Variants in DMD observed in about 807,000 individuals in gnomAD.
DMD encodes the protein mutant dystrophin.
Under a neutral mutation model 330.1 loss-of-function variants are expected in DMD, and 63 were observed. That is an observed-to-expected ratio of 0.19 (90% CI 0.16 to 0.24). DMD has a LOEUF of 0.24. Among genes scored for constraint, DMD ranks in the 10% least tolerant of loss-of-function variants. The probability of loss-of-function intolerance (pLI) is 1.00; values close to 1 mark genes in which losing one functional copy is unlikely to be tolerated. For missense variants in DMD, 3,344 were observed against 2,684.1 expected (o/e 1.25, Z -5.43); for synonymous variants, 1,223 against 959.8 (o/e 1.27, Z -5.07).
rs747764930 is a variant in DMD, at chrX:32,917,923, G to A, written c.94-68103C>T. On this transcript the variant is annotated intron_variant, in intron 2 of 78. Transcript: ENST00000357033. Reference sequence around the variant, plus strand: ...TTTCTGAATGACTCTGAAAAATGAAGCTGCTCTGCAGGTATCATCACTAGA... The same window carrying A: ...TTTCTGAATGACTCTGAAAAATGAAACTGCTCTGCAGGTATCATCACTAGA... Among the ~76,000 whole-genome samples the A allele has an allele frequency of 3.7e-5, 4 of 108,474 alleles. No homozygotes were observed. The East Asian group carries it at 8.8e-4, about 24-fold the overall frequency. 94.2% of individuals were successfully genotyped at this position (108,474 alleles called of 115,157 possible).
At chrX:32,946,277 T>C (rs2090799637) in intron 2 of DMD, among the ~76,000 whole-genome samples, 1 of 111,400 alleles carries the variant, frequency 9.0e-6, no homozygotes, top group Non-Finnish European at 1.9e-5. Flanking sequence ...TTTTCCTTAT[T>C]CATTAATTTT....
chrX:31,257,739 G>A (rs774738838), intron 63 of DMD, among the ~76,000 whole-genome samples: 1 of 112,061 alleles, frequency 8.9e-6, no homozygotes, highest in Non-Finnish European at 1.9e-5. Context: ...GAGGTCAGGA[G>A]TTCGAGACCA....
intron 48 of DMD, among the ~76,000 whole-genome samples, chrX:31,871,006 G>A (rs1432747492): frequency 1.8e-5 from 2 of 111,836 alleles, no homozygotes; most frequent in Non-Finnish European, 3.8e-5. Context: ...ATTCATTAAA[G>A]GTTAAAAACA....
intron 43 of DMD, among the ~76,000 whole-genome samples, chrX:32,272,239 G>A: frequency 8.9e-6 from 1 of 111,914 alleles, no homozygotes; most frequent in Middle Eastern, 4.6e-3. Flanking sequence ...GAACAGAGAA[G>A]GATTCCAAGA....
At chrX:31,278,113 A>G (rs2052319701) in intron 62 of DMD, among the ~76,000 whole-genome samples, 1 of 111,525 alleles carries the variant, frequency 9.0e-6, no homozygotes, top group Non-Finnish European at 1.9e-5. Flanking sequence ...ATAGACAGAA[A>G]AAGATTTACA....
In DMD at chrX:31,156,186, C is replaced by T. The variant is rs773502999; in HGVS notation, c.10554-8668G>A. 4.7e-4 allele frequency among the ~76,000 whole-genome samples: 52 copies of T among 111,493 alleles called. No individual in the cohort carries two copies. The Middle Eastern group carries it at 0.014, about 30-fold the overall frequency. On this transcript the variant is annotated intron_variant, in intron 74 of 78. Transcript: ENST00000357033. ...AAAAATGGCAGGACCCCTCCAGGCT[C>T]TTGTTTCTAATCATTTCTTAGCACT... is the stretch of plus-strand genomic sequence containing the variant.
At chrX:33,320,231 T>C (rs1484029002) in intron 1 of DMD, among the ~76,000 whole-genome samples, 1 of 111,673 alleles carries the variant, frequency 9.0e-6, no homozygotes, top group East Asian at 2.8e-4. Flanking sequence ...GTACAATACG[T>C]TTAGTACAAT....
intron 1 of DMD, among the ~76,000 whole-genome samples, chrX:33,115,484 G>C (rs1012479449): frequency 1.8e-5 from 2 of 109,854 alleles, no homozygotes; most frequent in African/African-American, 6.6e-5. Context: ...TGATAAATAT[G>C]ATAAATATAT....
At chrX:31,852,049 G>C (rs1029966647) in intron 48 of DMD, among the ~76,000 whole-genome samples, 4 of 111,042 alleles carry the variant, frequency 3.6e-5, no homozygotes, top group African/African-American at 1.3e-4. Context: ...TGAGCAAGGG[G>C]AGAGTAGTAG....
At chrX:31,656,772 T>C (rs773631429) in intron 54 of DMD, among the ~76,000 whole-genome samples, 2 of 111,895 alleles carry the variant, frequency 1.8e-5, no homozygotes, top group African/African-American at 6.5e-5. Context: ...AGCTCCATAT[T>C]CAAGTTTGCC....
chrX:32,386,842 A>T (rs2097961706), intron 32 of DMD, among the ~76,000 whole-genome samples: 1 of 110,262 alleles, frequency 9.1e-6, no homozygotes, highest in Non-Finnish European at 1.9e-5. Context: ...ATTTGGATGA[A>T]TTAATTCACT....
intron 30 of DMD, among the ~76,000 whole-genome samples, chrX:32,397,148 T>C (rs970988233): frequency 9.0e-6 from 1 of 111,371 alleles, no homozygotes; most frequent in Non-Finnish European, 1.9e-5. Context: ...TGAAGGAAAA[T>C]GATCTCTCTA....
At chrX:31,675,115 T>C (rs2082004025) in intron 53 of DMD, among the ~76,000 whole-genome samples, 1 of 112,401 alleles carries the variant, frequency 8.9e-6, no homozygotes, top group South Asian at 3.7e-4. Context: ...TAACTTCATG[T>C]TTTTGTTTTA....
At chrX:32,276,812 T>TG (rs2097390691) in intron 43 of DMD, among the ~76,000 whole-genome samples, 1 of 110,244 alleles carries the variant, frequency 9.1e-6, no homozygotes, top group African/African-American at 3.3e-5. Context: ...CTCAGCCTCT[T>TG]GGGGGGCTAA....
chrX:31,717,550 T>G (rs2085154393), intron 52 of DMD, among the ~76,000 whole-genome samples: 1 of 112,015 alleles, frequency 8.9e-6, no homozygotes, highest in Non-Finnish European at 1.9e-5. Context: ...TCTTAGTGGC[T>G]CCTACAAGGG....
At position 31,198,972 on chromosome X, in the gene DMD, T is replaced by A. The variant is rs768371968; in HGVS notation, c.9807+4989A>T. ...CTAAAATTCATATAGGGGATCACAT[T>A]GACACATTAACACTCTGTCATTTCA... On this transcript the variant is annotated intron_variant, in intron 67 of 78. Transcript: ENST00000357033. Among the ~76,000 whole-genome samples, 3 of 112,179 alleles carry A rather than the reference T, an allele frequency of 2.7e-5. No individual in the cohort carries two copies. In the East Asian group the frequency reaches 8.3e-4, roughly 31 times the overall value.
chrX:32,634,265 T>C (rs1426684009), intron 11 of DMD, among the ~76,000 whole-genome samples: 1 of 111,590 alleles, frequency 9.0e-6, no homozygotes, highest in Non-Finnish European at 1.9e-5. Flanking sequence ...AGTAAGAAAA[T>C]GGAATCCAGG....
At chrX:32,724,308 A>G (rs2066638680) in intron 7 of DMD, among the ~76,000 whole-genome samples, 2 of 111,847 alleles carry the variant, frequency 1.8e-5, no homozygotes, top group African/African-American at 6.5e-5. Context: ...TAAGGCTGTT[A>G]TGGCTCAAAT....
At chrX:32,958,522 T>C (rs1356118470) in intron 2 of DMD, among the ~76,000 whole-genome samples, 1 of 111,189 alleles carries the variant, frequency 9.0e-6, no homozygotes, top group Non-Finnish European at 1.9e-5. Context: ...TGGAAAACCC[T>C]TCCACTTATT....
Sources: gnomAD v4.1 joint callset for allele counts (sites outside exome capture counted in the v4.1 genomes callset) on GRCh38, gnomAD v4.1.1 for gene constraint, MANE v1.5 for transcripts, NCBI Gene and HGNC (gene_info 2026-07-23, HGNC 2026-07-21) for gene names.